DPP10: variants seen among roughly 807,000 people sequenced by gnomAD.
The protein encoded by DPP10 is dipeptidyl peptidase like 10.
Under a neutral mutation model 120.9 loss-of-function variants are expected in DPP10, and 33 were observed. The ratio of observed to expected loss-of-function variants is 0.27; its 90% CI spans 0.21 to 0.37. DPP10 has a LOEUF of 0.37. DPP10 is among the 10% of genes least tolerant of loss of function. The probability of loss-of-function intolerance (pLI) is 1.00; values close to 1 mark genes in which losing one functional copy is unlikely to be tolerated. For missense variants in DPP10, 816 were observed against 942.8 expected, an observed-to-expected ratio of 0.87 and a Z score of 1.76; for synonymous variants, 337 against 326.1, an observed-to-expected ratio of 1.03 and a Z score of -0.36.
At chr2:114,508,345 G>A (rs531003116) in intron 1 of DPP10, among the ~76,000 whole-genome samples, 19 of 152,240 alleles carry the variant, frequency 1.2e-4, no homozygotes, top group South Asian at 6.2e-4. Context: ...ACATGGAAAC[G>A]TAAATTATAT....
chr2:115,291,014 A>G (rs955949553), intron 1 of DPP10, among the ~76,000 whole-genome samples: 1 of 151,824 alleles, frequency 6.6e-6, no homozygotes, highest in Non-Finnish European at 1.5e-5. Flanking sequence ...TGAGTTTATT[A>G]TTTTTCTGAG....
intron 21 of DPP10, among the ~76,000 whole-genome samples, chr2:115,825,351 A>G (rs1354557418): frequency 2.0e-5 from 3 of 152,142 alleles, no homozygotes; most frequent in Admixed American, 1.3e-4. Context: ...ACTGGAAAAC[A>G]CTATTCCCTC....
At chr2:114,531,971 A>G (rs957562745) in intron 1 of DPP10, among the ~76,000 whole-genome samples, 1 of 151,992 alleles carries the variant, frequency 6.6e-6, no homozygotes, top group Non-Finnish European at 1.5e-5. Context: ...GGTAGGCGTC[A>G]TCTAATCCAC....
chr2:114,512,668 A>G (rs982670273), intron 1 of DPP10, among the ~76,000 whole-genome samples: 9 of 152,226 alleles, frequency 5.9e-5, no homozygotes, highest in Admixed American at 1.3e-4. Flanking sequence ...TTTACATATC[A>G]TGAGTTACCC....
chr2:114,929,167 A>G (rs1695874652), intron 1 of DPP10, among the ~76,000 whole-genome samples: 1 of 152,138 alleles, frequency 6.6e-6, no homozygotes, highest in Non-Finnish European at 1.5e-5. Context: ...AGTCACAAAG[A>G]TCCCATGCTT....
chr2:115,706,356 CA>C (rs2092104465), intron 7 of DPP10, among the ~76,000 whole-genome samples: 1 of 151,862 alleles, frequency 6.6e-6, no homozygotes, highest in East Asian at 1.9e-4. Flanking sequence ...ATGTAAATCA[CA>C]ATTTCTGTGG....
chr2:115,437,512 C>A (rs1281562706), intron 3 of DPP10, among the ~76,000 whole-genome samples: 1 of 151,984 alleles, frequency 6.6e-6, no homozygotes, highest in Non-Finnish European at 1.5e-5. Context: ...AAGTGTGTTA[C>A]TCAATGATCT....
At chr2:115,142,113 G>C (rs538313195) in intron 1 of DPP10, among the ~76,000 whole-genome samples, 21 of 152,252 alleles carry the variant, frequency 1.4e-4, no homozygotes, top group African/African-American at 5.1e-4. Context: ...ATAAGATACA[G>C]TTCTTGTTCT....
At chr2:114,521,293 G>A (rs1054010344) in intron 1 of DPP10, among the ~76,000 whole-genome samples, 1 of 106,050 alleles carries the variant, frequency 9.4e-6, no homozygotes, top group Non-Finnish European at 2.0e-5. Context: ...CACACAAAGT[G>A]TTGAAAGGAT....
chr2:115,136,134 G>C (rs2050638183), intron 1 of DPP10, among the ~76,000 whole-genome samples: 1 of 149,790 alleles, frequency 6.7e-6, no homozygotes, highest in East Asian at 2.0e-4. Flanking sequence ...GACACTTAGG[G>C]CACAAAACAG....
chr2:114,533,990 A>G (rs1412867738), intron 1 of DPP10, among the ~76,000 whole-genome samples: 4 of 152,292 alleles, frequency 2.6e-5, no homozygotes, highest in African/African-American at 9.6e-5. Flanking sequence ...CTGCTGTGAT[A>G]TCTCTTTCTA....
At chr2:114,567,939 G>A (rs965916374) in intron 1 of DPP10, among the ~76,000 whole-genome samples, 3 of 151,220 alleles carry the variant, frequency 2.0e-5, no homozygotes, top group African/African-American at 7.3e-5. Context: ...GTGATGGGTT[G>A]ATCGGTGCAG....
intron 1 of DPP10, among the ~76,000 whole-genome samples, chr2:115,093,582 G>A (rs1405238382): frequency 6.6e-6 from 1 of 152,028 alleles, no homozygotes; most frequent in African/African-American, 2.4e-5. Context: ...CTAGGAAATA[G>A]TACATATCTA....
At chr2:115,447,395 T>A (rs891626839) in intron 3 of DPP10, among the ~76,000 whole-genome samples, 3 of 152,126 alleles carry the variant, frequency 2.0e-5, no homozygotes, top group Non-Finnish European at 4.4e-5. Flanking sequence ...CTGGAATGAG[T>A]TAAGACTTTC....
chr2:114,705,849 G>C (rs1700653469), intron 1 of DPP10, among the ~76,000 whole-genome samples: 1 of 152,134 alleles, frequency 6.6e-6, no homozygotes, highest in Non-Finnish European at 1.5e-5. Flanking sequence ...CTTCAGGTGT[G>C]GGTTGATCAT....
At position 114,959,829 on chromosome 2, in the gene DPP10, A is replaced by G. The variant is rs910908209; in HGVS notation, c.61-349410A>G. On this transcript the variant is annotated intron_variant, in intron 1 of 25. Coordinates refer to ENST00000410059, the MANE Select transcript of DPP10 (RefSeq NM_020868.6). ...GTTTTCTAATTACTAGTAATGTCAA[A>G]TAGCTTTTCATGTGCTTATTGGCCA... Among the ~76,000 whole-genome samples, 4 of 152,202 alleles carry G rather than the reference A, an allele frequency of 2.6e-5. No homozygotes were observed. The South Asian group carries it at 8.3e-4, about 32-fold the overall frequency.
chr2:115,554,001 TCACACACACACACACACACA>T (rs71881888), intron 5 of DPP10, among the ~76,000 whole-genome samples: 6 of 135,500 alleles, frequency 4.4e-5, no homozygotes, highest in Non-Finnish European at 7.9e-5. Context: ...TCTCTCTCTT[TCACACACACACACACACACA>T]CACACACACA....
chr2:115,731,651 T>C (rs576590416), intron 8 of DPP10, among the ~76,000 whole-genome samples: 1 of 152,312 alleles, frequency 6.6e-6, no homozygotes, highest in African/African-American at 2.4e-5. Context: ...AAGCCAGGGC[T>C]TAGTCACTAG....
chr2:115,820,172 A>T (rs1480671300), intron 21 of DPP10, among the ~76,000 whole-genome samples: 2 of 152,170 alleles, frequency 1.3e-5, no homozygotes, highest in Non-Finnish European at 2.9e-5. Flanking sequence ...AATTGAATGA[A>T]ATAATTTTTT....
Sources: allele counts gnomAD v4.1 joint callset (sites outside exome capture counted in the v4.1 genomes callset), GRCh38; gene constraint gnomAD v4.1.1; transcripts MANE v1.5; gene names NCBI Gene and HGNC (gene_info 2026-07-23, HGNC 2026-07-21).